Variants in MANBA observed in about 807,000 individuals in gnomAD.
MANBA encodes beta-mannosidase.
In MANBA, 83 loss-of-function variants were observed where a neutral mutation model predicts 111.1. The ratio of observed to expected loss-of-function variants is 0.75; its 90% CI spans 0.63 to 0.90. The LOEUF (loss-of-function observed/expected upper bound fraction) is 0.90, where lower values mean the gene tolerates loss of function less well. Among genes scored for constraint, MANBA ranks in the 40% least tolerant of loss-of-function variants. The pLI, the probability that MANBA is intolerant of heterozygous loss-of-function variation, is 0.00. For missense variants in MANBA, 1,036 were observed against 1,069.0 expected, an observed-to-expected ratio of 0.97 and a Z score of 0.43; for synonymous variants, 370 against 378.7, an observed-to-expected ratio of 0.98 and a Z score of 0.27.
At chr4:102,728,946 T>G in intron 1 of MANBA, 2 of 771,806 alleles carry the variant, frequency 2.6e-6, no homozygotes, top group Non-Finnish European at 4.6e-6. Flanking sequence ...GTATGGATAC[T>G]CATGTTCTGC....
At chr4:102,635,573 G>A (rs976068434) in intron 15 of MANBA, among the ~76,000 whole-genome samples, 1 of 152,062 alleles carries the variant, frequency 6.6e-6, no homozygotes, top group African/African-American at 2.4e-5. Flanking sequence ...TTGCATTTAA[G>A]GGGCACATTA....
intron 5 of MANBA, among the ~76,000 whole-genome samples, chr4:102,698,553 C>A (rs879824917): frequency 6.8e-6 from 1 of 147,844 alleles, no homozygotes. Flanking sequence ...AGGAAGGGAT[C>A]CAGTTTCAGC....
At chr4:102,713,832 G>A (rs1722194194) in intron 5 of MANBA, among the ~76,000 whole-genome samples, 1 of 149,958 alleles carries the variant, frequency 6.7e-6, no homozygotes, top group African/African-American at 2.5e-5. Context: ...GGAGGCAGAG[G>A]CTGCAGTGAG....
intron 1 of MANBA, among the ~76,000 whole-genome samples, chr4:102,755,372 A>G (rs1324496472): frequency 1.3e-5 from 2 of 152,256 alleles, no homozygotes; most frequent in Non-Finnish European, 2.9e-5. Flanking sequence ...AAATAGGGAA[A>G]GGATTCCCTA....
chr4:102,724,355 C>G (rs1404459960), intron 2 of MANBA, among the ~76,000 whole-genome samples: 1 of 152,220 alleles, frequency 6.6e-6, no homozygotes, highest in East Asian at 1.9e-4. Context: ...GTCAGGAGTT[C>G]GAGACCATCC....
At chr4:102,650,822 G>A in intron 12 of MANBA, 121 bp from the exon 13 acceptor site, 2 of 759,646 alleles carry the variant, frequency 2.6e-6, no homozygotes, top group Admixed American at 4.4e-5. Context: ...GGTTTGTTCT[G>A]TGGCTCCAGT....
intron 7 of MANBA, among the ~76,000 whole-genome samples, chr4:102,684,100 T>C (rs1023983226): frequency 2.7e-5 from 4 of 150,242 alleles, no homozygotes; most frequent in African/African-American, 1.0e-4. Context: ...TCTCCTGATA[T>C]ACTCAGTTAA....
rs1287817996 is a variant in MANBA at position 102,674,009 on chromosome 4, A to C, written c.1022T>G (p.Phe341Cys). 1 of 1,606,988 alleles carries C rather than the reference A, an allele frequency of 6.2e-7. No individual in the cohort carries two copies. The highest frequency in any genetic ancestry group is 1.1e-5 in the South Asian group (1 of 90,932). ...EPIKGSPGLS[F>C]YFKINGFPIF... ...GGGAAATCCATTAATTTTGAAATAG[A>C]AACTCAAACCAGGAGACCCTTTTAT... The change falls in exon 8 of 17, where the codon TTC (phenylalanine) becomes TGC (cysteine). Residue 341 changes from phenylalanine to cysteine, a missense_variant. Transcript: ENST00000647097.
chr4:102,673,993 A>AT lies in MANBA; in HGVS notation c.1037dup (p.Asn346LysfsTer25), dbSNP rs757608452. 1 of 1,607,410 alleles carries AT rather than the reference A, an allele frequency of 6.2e-7. No individual in the cohort carries two copies. The highest frequency in any genetic ancestry group is 8.5e-7 in the Non-Finnish European group (1 of 1,173,910). ...AGCCTTTTAGAAATATGGGAAATCC[A>AT]TTAATTTTGAAATAGAAACTCAAAC... On this transcript the variant is annotated frameshift_variant, in exon 8 of 17. Transcript: ENST00000647097. LOFTEE classifies it high-confidence loss of function.
At chr4:102,644,745 CAG>C (rs763820765) in intron 13 of MANBA, among the ~76,000 whole-genome samples, 3 of 152,004 alleles carry the variant, frequency 2.0e-5, no homozygotes, top group Admixed American at 6.6e-5. Flanking sequence ...AAATTGCTAA[CAG>C]GGTAGATTTT....
chr4:102,663,817 T>G (rs1361893744), intron 11 of MANBA, among the ~76,000 whole-genome samples: 2 of 152,170 alleles, frequency 1.3e-5, no homozygotes, highest in East Asian at 3.8e-4. Context: ...TTTGAAGGCA[T>G]TACTGAAAAA....
At chr4:102,691,799 T>G (rs1732489711) in intron 5 of MANBA, among the ~76,000 whole-genome samples, 1 of 152,138 alleles carries the variant, frequency 6.6e-6, no homozygotes, top group Non-Finnish European at 1.5e-5. Context: ...TGAGCCACCA[T>G]GCCTGGCCAA....
At chr4:102,708,914 G>A (rs746687104) in intron 5 of MANBA, among the ~76,000 whole-genome samples, 2 of 151,738 alleles carry the variant, frequency 1.3e-5, no homozygotes, top group Non-Finnish European at 2.9e-5. Flanking sequence ...TGATACTACA[G>A]AAACACAACA....
chr4:102,745,625 A>G (rs1723558709), intron 1 of MANBA, among the ~76,000 whole-genome samples: 3 of 152,206 alleles, frequency 2.0e-5, no homozygotes, highest in African/African-American at 7.2e-5. Context: ...ACAGTGGGCC[A>G]TCTTTTATCC....
chr4:102,724,342 G>A (rs1722701886), intron 2 of MANBA, among the ~76,000 whole-genome samples: 1 of 152,190 alleles, frequency 6.6e-6, no homozygotes, highest in African/African-American at 2.4e-5. Context: ...CAGATCACCT[G>A]AGGTCAGGAG....
intron 3 of MANBA, among the ~76,000 whole-genome samples, chr4:102,723,423 T>C (rs556285377): frequency 1.3e-5 from 2 of 152,328 alleles, no homozygotes; most frequent in Admixed American, 1.3e-4. Flanking sequence ...GCCTCTCCGG[T>C]ATGAACAGCA....
At chr4:102,754,714 G>T (rs555920800) in intron 1 of MANBA, among the ~76,000 whole-genome samples, 26 of 151,952 alleles carry the variant, frequency 1.7e-4, no homozygotes, top group Admixed American at 1.4e-3. Context: ...TGGCCACCAC[G>T]CCGGACTAAT....
chr4:102,631,104 CTTTG>C lies in MANBA; in HGVS notation c.*949_*952del, dbSNP rs145071559. ...AAGTCCCCTTATCCCCTTGATAAGG[CTTTG>C]TGTGTGTGTGTGTGTGTGTGTGTGT... On this transcript the variant is annotated 3_prime_UTR_variant, in exon 17 of 17. Coordinates refer to ENST00000647097, the MANE Select transcript of MANBA (RefSeq NM_005908.4). 0.039 allele frequency: 5,400 copies of C among 138,892 alleles called. 191 individuals carry two copies. The highest frequency in any genetic ancestry group is 0.089 in the Middle Eastern group (25 of 280). 8.6% of individuals were successfully genotyped at this position (138,892 alleles called of 1,614,324 possible). A position where few individuals can be genotyped will look rare whatever the true frequency, so the allele number is the denominator to read the frequency against.
chr4:102,714,290 C>T, intron 5 of MANBA, 148 bp downstream of exon 5: 2 of 755,418 alleles, frequency 2.6e-6, no homozygotes, highest in Non-Finnish European at 4.4e-6. Flanking sequence ...CAGTTTGTAC[C>T]TATTTTTTAC....
Sources: gnomAD v4.1 joint callset for allele counts (sites outside exome capture counted in the v4.1 genomes callset) on GRCh38, gnomAD v4.1.1 for gene constraint, MANE v1.5 for transcripts, NCBI Gene and HGNC (gene_info 2026-07-23, HGNC 2026-07-21) for gene names.